FBH1: variants seen among roughly 807,000 people sequenced by gnomAD.
FBH1 encodes the protein F-box DNA helicase 1.
Under a neutral mutation model 115.5 loss-of-function variants are expected in FBH1, and 43 were observed. The ratio of observed to expected loss-of-function variants is 0.37; its 90% CI spans 0.29 to 0.48. FBH1 has a LOEUF of 0.48. Among genes scored for constraint, FBH1 ranks in the 20% least tolerant of loss-of-function variants. The pLI is 0.99. For synonymous variants in FBH1, 524 were observed against 507.8 expected, an observed-to-expected ratio of 1.03 and a Z score of -0.43; for missense variants, 1,001 against 1,337.3, an observed-to-expected ratio of 0.75 and a Z score of 3.92.
At chr10:5,893,867 T>C (rs1423965670) in intron 1 of FBH1, 6 of 420,136 alleles carry the variant, frequency 1.4e-5, no homozygotes, top group Admixed American at 6.4e-5. Context: ...GTAAAAGTAG[T>C]TGTGGAATGA....
In FBH1 at chr10:5,921,159, T is replaced by G; in HGVS notation, c.2101-99T>G. The G allele has an allele frequency of 6.1e-6, 7 of 1,144,614 alleles. No individual in the cohort carries two copies. In the South Asian group the frequency reaches 8.4e-5, roughly 14 times the overall value. The allele number at this position is 1,144,614 out of a possible 1,614,324, so 70.9% of individuals were successfully genotyped here. A position where few individuals can be genotyped will look rare whatever the true frequency, so the allele number is the denominator to read the frequency against. On this transcript the variant is annotated intron_variant, in intron 13 of 20. Transcript: ENST00000362091. This position sits in a 1 kb window ranked among gnomAD's most constrained non-coding sequence, Gnocchi z 6.4. ...TTCCATGCGGGGGGTCAGGAACAAC[T>G]TGTAGGGTCTGGCCCGGCCAGGCTG...
rs368361189 is a variant in FBH1 at position 5,909,308 on chromosome 10, C to A, written c.1020+14C>A. On this transcript the variant is annotated intron_variant, in intron 5 of 20. Coordinates refer to ENST00000362091, the MANE Select transcript of FBH1 (RefSeq NM_178150.3). The surrounding 1 kb of genome is among the most constrained non-coding windows in gnomAD (Gnocchi z 4.4). ...GCTGCTGCCGGGGTAGGTCTGGAGG[C>A]TGCGGGAGAAGGCGGCATGTTATTT... 49 of 1,602,846 alleles carry A rather than the reference C, an allele frequency of 3.1e-5. No individual in the cohort carries two copies. The African/African-American group carries it at 5.3e-4, about 17-fold the overall frequency.
At position 5,911,117 on chromosome 10, in the gene FBH1, C is replaced by T. The variant is rs1398472088; in HGVS notation, c.1200C>T (p.Asn400=). The T allele has an allele frequency of 1.9e-6, 3 of 1,612,226 alleles. No homozygotes were observed. The highest frequency in any genetic ancestry group is 1.3e-5 in the African/African-American group (1 of 74,818). ...ACGCCATGAGGGAGAAGGGGATTAA[C>T]ATCAGCAATAGGTAATGCCCCGGGA... is the stretch of plus-strand genomic sequence containing the variant. ...LLYAMREKGI[N]ISNRIHYNIF... The change falls in exon 6 of 21, where the codon AAC becomes AAT. Residue 400 remains asparagine (N), a synonymous_variant. Coordinates refer to ENST00000362091, the MANE Select transcript of FBH1 (RefSeq NM_178150.3). The surrounding 1 kb of genome is among the most constrained non-coding windows in gnomAD (Gnocchi z 5.4).
intron 2 of FBH1, among the ~76,000 whole-genome samples, chr10:5,904,566 C>G (rs1430563750): frequency 6.6e-6 from 1 of 152,070 alleles, no homozygotes; most frequent in Non-Finnish European, 1.5e-5. Flanking sequence ...TGGAAGATAC[C>G]AGGATTTGGC....
At position 5,917,229 on chromosome 10, in the gene FBH1, GTC is replaced by G. The variant is rs1264215628; in HGVS notation, c.1789-188_1789-187del. 1 of 595,998 alleles carries G rather than the reference GTC, an allele frequency of 1.7e-6. No homozygotes were observed. Among genetic ancestry groups the G allele is most frequent in the African/African-American group, 1.9e-5 (1 of 53,862 alleles). The allele number at this position is 595,998 out of a possible 1,614,324, so 36.9% of individuals were successfully genotyped here. On this transcript the variant is annotated intron_variant, in intron 10 of 20. Coordinates refer to ENST00000362091, the MANE Select transcript of FBH1 (RefSeq NM_178150.3). This position sits in a 1 kb window ranked among gnomAD's most constrained non-coding sequence, Gnocchi z 5.6. Reference sequence around the variant, plus strand: ...GCATGGCACGGCCCGGCTGCTTCCTGTCTCAGCACTGGAGACCCTCTGGCGTG... The same window carrying G: ...GCATGGCACGGCCCGGCTGCTTCCTGTCAGCACTGGAGACCCTCTGGCGTG...
intron 3 of FBH1, among the ~76,000 whole-genome samples, chr10:5,907,937 A>G (rs142093829): frequency 0.021 from 3,209 of 152,288 alleles, 38 homozygotes; most frequent in African/African-American, 0.033. Context: ...CAGGTGATCT[A>G]TCCTGGAGAA....
At position 5,913,916 on chromosome 10, in the gene FBH1, C is replaced by A; in HGVS notation, c.1304+77C>A. Reference sequence around the variant, plus strand: ...CATACTTAAGGAGGGAGATGTTTTGCTTCACTTTAGCAACATCATTGAGGT... The same window carrying A: ...CATACTTAAGGAGGGAGATGTTTTGATTCACTTTAGCAACATCATTGAGGT... On this transcript the variant is annotated intron_variant, in intron 7 of 20. Coordinates refer to ENST00000362091, the MANE Select transcript of FBH1 (RefSeq NM_178150.3). The surrounding 1 kb of genome is among the most constrained non-coding windows in gnomAD (Gnocchi z 4.4). 1 of 1,200,318 alleles carries A rather than the reference C, an allele frequency of 8.3e-7. No homozygotes were observed. The highest frequency in any genetic ancestry group is 1.2e-6 in the Non-Finnish European group (1 of 832,112). The allele number at this position is 1,200,318 out of a possible 1,614,324, so 74.4% of individuals were successfully genotyped here.
chr10:5,923,856 T>C lies in FBH1; in HGVS notation c.2398+160T>C, dbSNP rs1033986087. The C allele has an allele frequency of 1.6e-6, 1 of 640,020 alleles. No homozygotes were observed. 39.6% of individuals were successfully genotyped at this position (640,020 alleles called of 1,614,324 possible). On this transcript the variant is annotated intron_variant, in intron 16 of 20. Coordinates refer to ENST00000362091, the MANE Select transcript of FBH1 (RefSeq NM_178150.3). This position sits in a 1 kb window ranked among gnomAD's most constrained non-coding sequence, Gnocchi z 5.7. The stretch of plus-strand genomic sequence containing the variant: ...GACGAGGGGGGTGCCTCGGGCCTCC[T>C]GTTTTCATAGGTACTGACAGATTTT...
intron 2 of FBH1, among the ~76,000 whole-genome samples, chr10:5,904,592 A>G (rs1843584530): frequency 1.3e-5 from 2 of 152,192 alleles, no homozygotes; most frequent in African/African-American, 2.4e-5. Flanking sequence ...GCAGTAGCTC[A>G]TGCCTTATTT....
In FBH1 at chr10:5,906,386, T is replaced by C. The variant is rs2131920797; in HGVS notation, c.507T>C (p.Ser169=). Reference sequence around the variant, plus strand: ...AGGCCAGGCAAGAAGCAGAGGACAGTACGTCTCGGCTCTCTGCGGAGTCTG... The same window carrying C: ...AGGCCAGGCAAGAAGCAGAGGACAGCACGTCTCGGCTCTCTGCGGAGTCTG... The part of the protein sequence containing the change: ...PREARQEAED[S]TSRLSAESGE... The change falls in exon 3 of 21, where the codon AGT becomes AGC. Residue 169 remains serine, a synonymous_variant. Transcript: ENST00000362091. This position sits in a 1 kb window ranked among gnomAD's most constrained non-coding sequence, Gnocchi z 7.3. The C allele has an allele frequency of 1.2e-6, 2 of 1,614,146 alleles. No individual in the cohort carries two copies. Among genetic ancestry groups the C allele is most frequent in the Non-Finnish European group, 1.7e-6 (2 of 1,179,930 alleles).
At position 5,910,238 on chromosome 10, in the gene FBH1, C is replaced by T. The variant is rs149416837; in HGVS notation, c.1021-700C>T. ...CAGAGGTTGCGGTGAGCTGAGATCG[C>T]GCCACTGCACTCCAGCCTGTGTGAC... On this transcript the variant is annotated intron_variant, in intron 5 of 20. Coordinates refer to ENST00000362091, the MANE Select transcript of FBH1 (RefSeq NM_178150.3). The surrounding 1 kb of genome is among the most constrained non-coding windows in gnomAD (Gnocchi z 4.8). Among the ~76,000 whole-genome samples, 171 of 151,522 alleles carry T rather than the reference C, an allele frequency of 1.1e-3. 1 individual carries two copies. The highest frequency in any genetic ancestry group is 3.9e-3 in the African/African-American group (161 of 41,268).
rs565565224 is a variant in FBH1 at position 5,933,921 on chromosome 10, G to T, written c.2830-2535G>T. Among the ~76,000 whole-genome samples the T allele has an allele frequency of 1.1e-4, 17 of 152,162 alleles. No individual in the cohort carries two copies. The highest frequency in any genetic ancestry group is 4.1e-4 in the African/African-American group (17 of 41,430). Reference sequence around the variant, plus strand: ...CTCGCCTCGGCCTCCCAAAGTGTTGGGATTATAGGCGTGAGCCACCATGTC... The same window carrying T: ...CTCGCCTCGGCCTCCCAAAGTGTTGTGATTATAGGCGTGAGCCACCATGTC... On this transcript the variant is annotated intron_variant, in intron 19 of 20. Transcript: ENST00000362091. The surrounding 1 kb of genome is among the most constrained non-coding windows in gnomAD (Gnocchi z 4.9).
chr10:5,908,494 T>A (rs1238592907), intron 3 of FBH1, among the ~76,000 whole-genome samples: 1 of 152,232 alleles, frequency 6.6e-6, no homozygotes, highest in Non-Finnish European at 1.5e-5. Flanking sequence ...CCAACAAAAA[T>A]TTGTGTAACA....
intron 13 of FBH1, among the ~76,000 whole-genome samples, chr10:5,919,121 C>T (rs1290244005): frequency 1.3e-5 from 2 of 152,146 alleles, no homozygotes; most frequent in African/African-American, 4.8e-5. Flanking sequence ...AACATGGTGC[C>T]ACTCTTCTTG....
In FBH1 at chr10:5,936,678, G is replaced by A. The variant is rs1288942448; in HGVS notation, c.2961+91G>A. ...ATCTGGGTTGTAGGTGAGGAGATAA[G>A]AGAGAGCTGTGTGATCCTTTATTAG... On this transcript the variant is annotated intron_variant, in intron 20 of 20. Coordinates refer to ENST00000362091, the MANE Select transcript of FBH1 (RefSeq NM_178150.3). The surrounding 1 kb of genome is among the most constrained non-coding windows in gnomAD (Gnocchi z 5.6). The A allele has an allele frequency of 1.1e-5, 16 of 1,514,150 alleles. No homozygotes were observed. Among genetic ancestry groups the A allele is most frequent in the Admixed American group, 8.6e-5 (5 of 58,424 alleles). 93.8% of individuals were successfully genotyped at this position (1,514,150 alleles called of 1,614,324 possible). A position where few individuals can be genotyped will look rare whatever the true frequency, so the allele number is the denominator to read the frequency against.
At chr10:5,893,042 A>T (rs1471210744) in intron 1 of FBH1, among the ~76,000 whole-genome samples, 1 of 152,224 alleles carries the variant, frequency 6.6e-6, no homozygotes, top group Non-Finnish European at 1.5e-5. Context: ...GCGGTGGCTG[A>T]CGCCTGTAAT....
At chr10:5,928,873 T>G (rs1323678919) in intron 19 of FBH1, among the ~76,000 whole-genome samples, 1 of 152,224 alleles carries the variant, frequency 6.6e-6, no homozygotes, top group Non-Finnish European at 1.5e-5. Flanking sequence ...ATACTCTTTC[T>G]TGCTTAGCTG....
In FBH1 at chr10:5,906,130, A is replaced by T. The variant is rs574280209; in HGVS notation, c.251A>T (p.Asp84Val). The change falls in exon 3 of 21, where the codon GAC becomes GTC. Residue 84 changes from aspartate (D) to valine (V), a missense_variant. By Grantham distance (152) the Asp-to-Val change is radical. Around this residue, in one of 4 missense-constraint regions of FBH1, gnomAD observed 420 missense variants for 430.4 expected, o/e 0.98. Transcript: ENST00000362091. The surrounding 1 kb of genome is among the most constrained non-coding windows in gnomAD (Gnocchi z 7.3). Reference sequence around the variant, plus strand: ...GCCAAAAGCAATTCTGTTGGCCAGGACAGCTGTCAGGACTCTGAGGGTGAC... The same window carrying T: ...GCCAAAAGCAATTCTGTTGGCCAGGTCAGCTGTCAGGACTCTGAGGGTGAC... Reference protein sequence around the residue: ...DMAKSNSVGQDSCQDSEGDMI... With the variant: ...DMAKSNSVGQVSCQDSEGDMI... The T allele has an allele frequency of 2.5e-6, 4 of 1,614,192 alleles. No homozygotes were observed. Among genetic ancestry groups the T allele is most frequent in the Non-Finnish European group, 3.4e-6 (4 of 1,180,028 alleles).
In FBH1 at chr10:5,931,879, C is replaced by A. The variant is rs1231229289; in HGVS notation, c.2829+4338C>A. ...AACCTTGCGCCTGGGCACAGTGGCTCACCCCTGTAATCCCAGCACTTTGCG... is the reference window on the plus strand; with the variant it reads ...AACCTTGCGCCTGGGCACAGTGGCTAACCCCTGTAATCCCAGCACTTTGCG... On this transcript the variant is annotated intron_variant, in intron 19 of 20. Transcript: ENST00000362091. The surrounding 1 kb of genome is among the most constrained non-coding windows in gnomAD (Gnocchi z 4.3). Among the ~76,000 whole-genome samples, 1 of 152,218 alleles carries A rather than the reference C, an allele frequency of 6.6e-6. No homozygotes were observed. Among genetic ancestry groups the A allele is most frequent in the African/African-American group, 2.4e-5 (1 of 41,458 alleles).
Sources: allele counts gnomAD v4.1 joint callset (sites outside exome capture counted in the v4.1 genomes callset), GRCh38; gene constraint gnomAD v4.1.1; regional missense constraint gnomAD v4.1.1; non-coding constraint Gnocchi (gnomAD v3.1); transcripts MANE v1.5; gene names NCBI Gene and HGNC (gene_info 2026-07-23, HGNC 2026-07-21).